Variants in NELL1 observed in about 807,000 individuals in gnomAD.
NELL1 encodes the protein protein kinase C-binding protein NELL1.
In NELL1, 76 loss-of-function variants were observed where a neutral mutation model predicts 107.4. The observed-to-expected ratio is 0.71, with a 90% confidence interval of 0.59 to 0.86. The LOEUF (loss-of-function observed/expected upper bound fraction) is 0.86, where lower values mean the gene tolerates loss of function less well. Ranked by LOEUF, NELL1 falls within the 40% of genes least tolerant of loss-of-function variation. NELL1 has a pLI of 0.00. For synonymous variants in NELL1, 353 were observed against 341.2 expected (o/e 1.03, Z -0.38); for missense variants, 1,024 against 1,005.5 (o/e 1.02, Z -0.25).
At chr11:21,293,878 A>C (rs1590812250) in intron 14 of NELL1, among the ~76,000 whole-genome samples, 1 of 152,136 alleles carries the variant, frequency 6.6e-6, no homozygotes, top group African/African-American at 2.4e-5. Context: ...GAAGTTGAAC[A>C]ATGAAAACAC....
At chr11:20,906,147 T>A (rs1216073855) in intron 5 of NELL1, among the ~76,000 whole-genome samples, 2 of 151,962 alleles carry the variant, frequency 1.3e-5, no homozygotes, top group African/African-American at 4.8e-5. Flanking sequence ...TAAAGTAGGG[T>A]CATTACTACT....
chr11:21,013,311 A>G (rs1485873001), intron 12 of NELL1, among the ~76,000 whole-genome samples: 1 of 152,146 alleles, frequency 6.6e-6, no homozygotes, highest in Non-Finnish European at 1.5e-5. Flanking sequence ...TGGAATGGAC[A>G]CTTGAGTCAG....
chr11:21,315,022 A>G (rs949912630), intron 14 of NELL1, among the ~76,000 whole-genome samples: 22 of 151,964 alleles, frequency 1.4e-4, no homozygotes, highest in African/African-American at 5.3e-4. Context: ...ACACCCAGAT[A>G]ATTTTTGTAT....
chr11:21,215,156 C>T (rs1205445349), intron 13 of NELL1, among the ~76,000 whole-genome samples: 1 of 152,094 alleles, frequency 6.6e-6, no homozygotes, highest in African/African-American at 2.4e-5. Context: ...ATGCTGTTCT[C>T]ATGATAGTGA....
intron 12 of NELL1, among the ~76,000 whole-genome samples, chr11:21,043,615 C>A (rs1033055969): frequency 6.6e-6 from 1 of 152,078 alleles, no homozygotes; most frequent in African/African-American, 2.4e-5. Flanking sequence ...TTTATGTGAT[C>A]CAACGACTGG....
In NELL1 at chr11:21,232,159, A is replaced by ATATATATATATATAT. The variant is rs1270859097; in HGVS notation, c.1549+2705_1549+2706insTATATATATATATAT. On this transcript the variant is annotated intron_variant, in intron 14 of 19. Coordinates refer to ENST00000357134, the MANE Select transcript of NELL1 (RefSeq NM_006157.5). ...TACTAAAAAAAAATAAAAAAAAAAA[A>ATATATATATATATAT]ATATATATATATATATATAAATTAG... 1.3e-3 allele frequency among the ~76,000 whole-genome samples: 96 copies of ATATATATATATATAT among 73,146 alleles called. 1 individual carries two copies. The highest frequency in any genetic ancestry group is 2.1e-3 in the Non-Finnish European group (76 of 35,864). The allele number at this position is 73,146 out of a possible 152,430, so 48.0% of individuals were successfully genotyped here.
chr11:21,439,509 T>C (rs1481024827), intron 15 of NELL1, among the ~76,000 whole-genome samples: 4 of 152,138 alleles, frequency 2.6e-5, no homozygotes, highest in Admixed American at 6.5e-5. Context: ...GTGAACTGGC[T>C]TAGAGGGTCA....
At chr11:21,018,843 G>A (rs1001978886) in intron 12 of NELL1, among the ~76,000 whole-genome samples, 3 of 152,130 alleles carry the variant, frequency 2.0e-5, no homozygotes, top group African/African-American at 7.2e-5. Flanking sequence ...TGGATGCTAT[G>A]TGGCAGGATC....
intron 4 of NELL1, among the ~76,000 whole-genome samples, chr11:20,858,334 T>C (rs1304927515): frequency 6.6e-6 from 1 of 152,128 alleles, no homozygotes. Flanking sequence ...GCTGTTGCAG[T>C]CCAGCCTAGT....
intron 5 of NELL1, among the ~76,000 whole-genome samples, chr11:20,915,717 A>ATATATATATATATATATATTTTTTTTTTT: frequency 1.0e-4 from 6 of 58,212 alleles, no homozygotes; most frequent in African/African-American, 4.4e-4. Flanking sequence ...ATATATATAT[A>ATATATATATATATATATATTTTTTTTTTT]TTTTTTTTTT....
chr11:21,445,975 C>T (rs1853416150), intron 15 of NELL1, among the ~76,000 whole-genome samples: 1 of 152,096 alleles, frequency 6.6e-6, no homozygotes, highest in African/African-American at 2.4e-5. Context: ...TGTCCAATGA[C>T]TCTTAGATTT....
At chr11:21,321,900 A>T (rs980623630) in intron 14 of NELL1, among the ~76,000 whole-genome samples, 3 of 152,350 alleles carry the variant, frequency 2.0e-5, no homozygotes, top group Middle Eastern at 3.4e-3. Flanking sequence ...ATCTAGATTT[A>T]TGTCACTGTA....
At position 21,058,187 on chromosome 11, in the gene NELL1, CTG is replaced by C. The variant is rs879378620; in HGVS notation, c.1301-55400_1301-55399del. Among the ~76,000 whole-genome samples the C allele has an allele frequency of 7.2e-5, 11 of 152,104 alleles. No individual in the cohort carries two copies. The East Asian group carries it at 7.7e-4, about 11-fold the overall frequency. On this transcript the variant is annotated intron_variant, in intron 12 of 19. Transcript: ENST00000357134. The stretch of plus-strand genomic sequence containing the variant: ...ACCATGGAAGGCATATGAAACAAAT[CTG>C]TACAAATTTGGTTTCTGGTTTAGGC...
intron 14 of NELL1, among the ~76,000 whole-genome samples, chr11:21,288,705 A>T (rs1042047171): frequency 4.6e-5 from 7 of 152,246 alleles, no homozygotes; most frequent in Non-Finnish European, 7.3e-5. Flanking sequence ...GCTGTAAAAC[A>T]AACTATCCAA....
At chr11:21,429,303 G>A (rs568425251) in intron 15 of NELL1, among the ~76,000 whole-genome samples, 12 of 152,176 alleles carry the variant, frequency 7.9e-5, no homozygotes, top group Non-Finnish European at 1.3e-4. Context: ...AAATATTAAA[G>A]TAACATTGAC....
intron 13 of NELL1, among the ~76,000 whole-genome samples, chr11:21,228,155 A>T (rs1439950799): frequency 6.6e-6 from 1 of 152,206 alleles, no homozygotes; most frequent in Non-Finnish European, 1.5e-5. Context: ...ATGCTAGCAG[A>T]TGTTAAAAAG....
chr11:20,978,098 A>C (rs891290433), intron 12 of NELL1, among the ~76,000 whole-genome samples: 1 of 152,222 alleles, frequency 6.6e-6, no homozygotes, highest in Non-Finnish European at 1.5e-5. Context: ...CTTTGATTCT[A>C]CAATCCTAGT....
intron 15 of NELL1, among the ~76,000 whole-genome samples, chr11:21,447,005 C>A (rs1262708091): frequency 6.6e-6 from 1 of 152,198 alleles, no homozygotes; most frequent in Non-Finnish European, 1.5e-5. Context: ...TTTTCCTATT[C>A]TTTCCTCCTG....
intron 11 of NELL1, among the ~76,000 whole-genome samples, chr11:20,957,980 T>A (rs1564986048): frequency 6.6e-6 from 1 of 152,144 alleles, no homozygotes; most frequent in Non-Finnish European, 1.5e-5. Flanking sequence ...GGAAAGGGAA[T>A]GTTTGAAGAG....
Sources: gnomAD v4.1 joint callset for allele counts (sites outside exome capture counted in the v4.1 genomes callset) on GRCh38, gnomAD v4.1.1 for gene constraint, MANE v1.5 for transcripts, NCBI Gene and HGNC (gene_info 2026-07-23, HGNC 2026-07-21) for gene names.